Variants in NRXN1 observed in about 807,000 individuals in gnomAD.
NRXN1 encodes neurexin-1.
A neutral mutation model predicts 150.9 loss-of-function variants in NRXN1; 39 were observed. The observed-to-expected ratio is 0.26, with a 90% CI of 0.20 to 0.34. The LOEUF is 0.34. NRXN1 is among the 10% of genes least tolerant of loss of function. The pLI, the probability that NRXN1 is intolerant of heterozygous loss-of-function variation, is 1.00. For synonymous variants in NRXN1, 924 were observed against 757.0 expected, an observed-to-expected ratio of 1.22 and a Z score of -3.62; for missense variants, 1,815 against 1,949.9, an observed-to-expected ratio of 0.93 and a Z score of 1.30.
intron 22 of NRXN1, among the ~76,000 whole-genome samples, chr2:49,939,215 T>C (rs1303159804): frequency 6.6e-6 from 1 of 152,206 alleles, no homozygotes; most frequent in Non-Finnish European, 1.5e-5. Context: ...ACTCCAGCAA[T>C]CACAATTTTT....
intron 21 of NRXN1, among the ~76,000 whole-genome samples, chr2:50,030,956 C>G (rs1228095530): frequency 6.6e-6 from 1 of 152,156 alleles, no homozygotes; most frequent in East Asian, 1.9e-4. Context: ...TACTTTCAGG[C>G]AGCTGAAGAC....
At chr2:50,766,673 C>A (rs1280258246) in intron 5 of NRXN1, among the ~76,000 whole-genome samples, 1 of 151,968 alleles carries the variant, frequency 6.6e-6, no homozygotes, top group Non-Finnish European at 1.5e-5. Flanking sequence ...CCTACCACAG[C>A]CGTGCAAATT....
chr2:50,069,407 A>C (rs1283574679), intron 19 of NRXN1, among the ~76,000 whole-genome samples: 2 of 152,214 alleles, frequency 1.3e-5, no homozygotes, highest in Non-Finnish European at 2.9e-5. Flanking sequence ...AAAGACAAGC[A>C]TTAGGCCACC....
chr2:50,888,635 T>C (rs1165029251), intron 5 of NRXN1, among the ~76,000 whole-genome samples: 1 of 151,650 alleles, frequency 6.6e-6, no homozygotes, highest in Non-Finnish European at 1.5e-5. Flanking sequence ...TAATCCACCA[T>C]TAGCTTCAGA....
chr2:49,968,987 A>G (rs1677452750), intron 21 of NRXN1, among the ~76,000 whole-genome samples: 1 of 152,058 alleles, frequency 6.6e-6, no homozygotes, highest in South Asian at 2.1e-4. Context: ...TTAACTAACA[A>G]TGTACAAAAG....
intron 5 of NRXN1, among the ~76,000 whole-genome samples, chr2:50,745,516 T>C (rs530035666): frequency 9.9e-5 from 15 of 151,872 alleles, no homozygotes; most frequent in East Asian, 5.9e-4. Flanking sequence ...ATTCACCATA[T>C]GGTTAATAGA....
At chr2:50,698,748 T>A (rs1452262238) in intron 5 of NRXN1, among the ~76,000 whole-genome samples, 1 of 152,192 alleles carries the variant, frequency 6.6e-6, no homozygotes. Context: ...AAACATCCAG[T>A]AGAACTTTCT....
intron 5 of NRXN1, among the ~76,000 whole-genome samples, chr2:50,652,112 C>T (rs558021459): frequency 4.1e-4 from 62 of 152,074 alleles, no homozygotes; most frequent in Admixed American, 1.3e-3. Context: ...TTCCATTTTA[C>T]TTTTTCACAC....
intron 19 of NRXN1, among the ~76,000 whole-genome samples, chr2:50,087,832 A>G (rs918591277): frequency 3.9e-5 from 6 of 152,188 alleles, no homozygotes; most frequent in Admixed American, 3.9e-4. Context: ...ATTACAGAGC[A>G]GTACCATTGG....
At chr2:49,960,991 T>C (rs1348621994) in intron 21 of NRXN1, among the ~76,000 whole-genome samples, 1 of 152,112 alleles carries the variant, frequency 6.6e-6, no homozygotes, top group East Asian at 1.9e-4. Flanking sequence ...ACAAGGCTTT[T>C]TTTCATGTAA....
At position 50,055,936 on chromosome 2, in the gene NRXN1, T is replaced by C. The variant is rs377506478; in HGVS notation, c.3719-892A>G. Among the ~76,000 whole-genome samples the C allele has an allele frequency of 3.8e-4, 58 of 152,288 alleles. 3 individuals are homozygous for C. In the South Asian group the frequency reaches 0.012, roughly 31 times the overall value. On this transcript the variant is annotated intron_variant, in intron 19 of 22. Transcript: ENST00000401669. ...CCCTGCTTCTTTGCATAAAAAATTATCTGCTAGAAACACTGTTTAAATTGA... is the reference window on the plus strand; with the variant it reads ...CCCTGCTTCTTTGCATAAAAAATTACCTGCTAGAAACACTGTTTAAATTGA...
chr2:50,364,301 G>C (rs569308864), intron 17 of NRXN1, among the ~76,000 whole-genome samples: 30 of 152,052 alleles, frequency 2.0e-4, no homozygotes, highest in Non-Finnish European at 3.7e-4. Context: ...TAATGGCCAG[G>C]GGAAAATCAA....
intron 3 of NRXN1, among the ~76,000 whole-genome samples, chr2:50,923,749 A>G (rs1239839533): frequency 6.6e-6 from 1 of 151,868 alleles, no homozygotes; most frequent in East Asian, 1.9e-4. Flanking sequence ...TTCCAGTGCT[A>G]TTTCAGATAT....
At chr2:50,880,033 C>T (rs562579807) in intron 5 of NRXN1, among the ~76,000 whole-genome samples, 1 of 151,840 alleles carries the variant, frequency 6.6e-6, no homozygotes, top group Non-Finnish European at 1.5e-5. Context: ...GAAATGAATT[C>T]CAGGGATGTG....
chr2:50,869,457 TA>T (rs144495184), intron 5 of NRXN1, among the ~76,000 whole-genome samples: 7,355 of 143,066 alleles, frequency 0.051, 226 homozygotes, highest in East Asian at 0.071. Flanking sequence ...GTCAAAAAAA[TA>T]AAAAAAAAAG....
chr2:50,379,361 T>A (rs529191868), intron 17 of NRXN1, among the ~76,000 whole-genome samples: 1 of 152,106 alleles, frequency 6.6e-6, no homozygotes, highest in South Asian at 2.1e-4. Context: ...GGGATGGAAA[T>A]GAACATTAAA....
At chr2:50,699,545 C>A (rs552523823) in intron 5 of NRXN1, among the ~76,000 whole-genome samples, 8 of 152,066 alleles carry the variant, frequency 5.3e-5, no homozygotes, top group African/African-American at 1.7e-4. Context: ...GAGGAAGGGG[C>A]ACCTGGAAAG....
At chr2:50,867,375 G>A (rs778159142) in intron 5 of NRXN1, among the ~76,000 whole-genome samples, 2 of 151,730 alleles carry the variant, frequency 1.3e-5, no homozygotes, top group Non-Finnish European at 2.9e-5. Flanking sequence ...CACTGACACT[G>A]TATAAATGTT....
intron 17 of NRXN1, among the ~76,000 whole-genome samples, chr2:50,257,060 A>AT (rs1028909183): frequency 1.2e-4 from 18 of 152,056 alleles, no homozygotes; most frequent in Admixed American, 7.9e-4. Flanking sequence ...ATTTCCATGT[A>AT]TTTTTTTAAC....
Sources: gnomAD v4.1 joint callset for allele counts (sites outside exome capture counted in the v4.1 genomes callset) on GRCh38, gnomAD v4.1.1 for gene constraint, MANE v1.5 for transcripts, NCBI Gene and HGNC (gene_info 2026-07-23, HGNC 2026-07-21) for gene names.